Variants in PAM observed in about 807,000 individuals in gnomAD.
The protein encoded by PAM is peptidyl-glycine alpha-amidating monooxygenase.
PAM carries 72 observed loss-of-function variants against 122.1 expected under a neutral mutation model. The ratio of observed to expected loss-of-function variants is 0.59; its 90% CI spans 0.49 to 0.72. The LOEUF is 0.72. Among genes scored for constraint, PAM ranks in the 30% least tolerant of loss-of-function variants. PAM has a pLI of 0.00. For missense variants in PAM, 1,106 were observed against 1,183.7 expected (o/e 0.93, Z 0.96); for synonymous variants, 389 against 404.4 (o/e 0.96, Z 0.46).
chr5:102,771,805 C>T (rs1358121986), intron 1 of PAM, among the ~76,000 whole-genome samples: 1 of 152,142 alleles, frequency 6.6e-6, no homozygotes, highest in Non-Finnish European at 1.5e-5. Context: ...TTTGTCACCC[C>T]AGTGGCTTGG....
At chr5:102,990,205 A>C (rs1359820113) in intron 15 of PAM, 67 bp from the exon 16 acceptor site, 1 of 1,228,074 alleles carries the variant, frequency 8.1e-7, no homozygotes, top group Non-Finnish European at 1.1e-6. Context: ...TCTTGTAACT[A>C]TTATGAATCC....
intron 1 of PAM, among the ~76,000 whole-genome samples, chr5:102,759,572 A>G (rs1176026336): frequency 1.3e-5 from 2 of 152,214 alleles, no homozygotes; most frequent in Non-Finnish European, 2.9e-5. Context: ...TTTTATAAAT[A>G]TGAAATCTCC....
At chr5:103,007,759 A>G in intron 20 of PAM, 102 bp downstream of exon 20, 1 of 707,516 alleles carries the variant, frequency 1.4e-6, no homozygotes, top group Non-Finnish European at 2.4e-6. Flanking sequence ...TCTTTGCTAT[A>G]TATTTCACAT....
At chr5:103,017,566 A>T in intron 22 of PAM, 133 bp downstream of exon 22, 1 of 634,274 alleles carries the variant, frequency 1.6e-6, no homozygotes, top group South Asian at 2.2e-5. Context: ...AGCAGTTGTT[A>T]AAAGACCTAT....
At chr5:103,017,298 C>G (rs1339784876) in intron 21 of PAM, 36 bp from the exon 22 acceptor site, 1 of 1,255,670 alleles carries the variant, frequency 8.0e-7, no homozygotes, top group African/African-American at 1.5e-5. Context: ...CAAGTAAAGG[C>G]TCACCACTCT....
chr5:102,882,421 G>A (rs1485002612), intron 3 of PAM, among the ~76,000 whole-genome samples: 1 of 151,446 alleles, frequency 6.6e-6, no homozygotes, highest in Non-Finnish European at 1.5e-5. Flanking sequence ...GGCCATTCTT[G>A]CAGGAGTAAG....
At chr5:102,929,696 T>A (rs1341320912) in intron 7 of PAM, among the ~76,000 whole-genome samples, 1 of 152,166 alleles carries the variant, frequency 6.6e-6, no homozygotes, top group African/African-American at 2.4e-5. Flanking sequence ...GCAAAACATC[T>A]TCTAAAAGTT....
intron 15 of PAM, among the ~76,000 whole-genome samples, chr5:102,985,222 G>A (rs1771374167): frequency 6.6e-6 from 1 of 151,552 alleles, no homozygotes; most frequent in African/African-American, 2.4e-5. Flanking sequence ...GAAAGAAAAA[G>A]AGCAGAACTA....
intron 8 of PAM, among the ~76,000 whole-genome samples, chr5:102,948,031 G>A (rs1209373839): frequency 6.6e-6 from 1 of 152,038 alleles, no homozygotes; most frequent in Non-Finnish European, 1.5e-5. Flanking sequence ...TGGACTGGAT[G>A]AAGCCCACCC....
chr5:102,985,521 G>A (rs1771515978), intron 15 of PAM, among the ~76,000 whole-genome samples: 1 of 151,854 alleles, frequency 6.6e-6, no homozygotes, highest in South Asian at 2.1e-4. Flanking sequence ...ATTCCTGGAT[G>A]CATATAACCT....
At chr5:102,869,113 CTA>C (rs1786529120) in intron 3 of PAM, among the ~76,000 whole-genome samples, 1 of 152,174 alleles carries the variant, frequency 6.6e-6, no homozygotes, top group South Asian at 2.1e-4. Flanking sequence ...TTCTCTGAGA[CTA>C]TGTGATTCCC....
At chr5:102,838,382 C>T (rs982031986) in intron 1 of PAM, 4 of 152,004 alleles carry the variant, frequency 2.6e-5, no homozygotes, top group Admixed American at 2.0e-4. Flanking sequence ...TTGAAGTCTA[C>T]TTTTATATTG....
chr5:102,916,518 C>T lies in PAM; in HGVS notation c.356+2497C>T, dbSNP rs541050400. ...TTCATCATCTTTTAACCAAGCCCAA[C>T]ACGTTTAAGTCTAACATTTAAAAGT... On this transcript the variant is annotated intron_variant, in intron 5 of 25. Transcript: ENST00000438793. Among the ~76,000 whole-genome samples, 9 of 151,626 alleles carry T rather than the reference C, an allele frequency of 5.9e-5. 1 individual carries two copies. In the South Asian group the frequency reaches 1.7e-3, roughly 28 times the overall value.
intron 1 of PAM, among the ~76,000 whole-genome samples, chr5:102,806,061 C>T (rs249494): frequency 6.6e-6 from 1 of 151,922 alleles, no homozygotes; most frequent in Admixed American, 6.6e-5. Flanking sequence ...TTTAAAAAAA[C>T]ATCTAACAAA....
intron 4 of PAM, among the ~76,000 whole-genome samples, chr5:102,911,987 T>C (rs993439211): frequency 2.0e-5 from 3 of 152,054 alleles, no homozygotes; most frequent in Non-Finnish European, 4.4e-5. Flanking sequence ...TTCCCAAATA[T>C]GTAATTCTCT....
In PAM at chr5:102,865,930, C is replaced by G; in HGVS notation, c.-266C>G. ...TAGCCCCAGCGCCAGGGCACGCGAGCGGCGCTGGAGGGAGGAAAGCTTCCG... is the reference window on the plus strand; with the variant it reads ...TAGCCCCAGCGCCAGGGCACGCGAGGGGCGCTGGAGGGAGGAAAGCTTCCG... On this transcript the variant is annotated 5_prime_UTR_variant, in exon 2 of 26. Coordinates refer to ENST00000438793, the MANE Select transcript of PAM (RefSeq NM_001177306.2). The G allele has an allele frequency of 2.6e-6, 1 of 380,538 alleles. No individual in the cohort carries two copies. 23.6% of individuals were successfully genotyped at this position (380,538 alleles called of 1,614,324 possible). A position where few individuals can be genotyped will look rare whatever the true frequency, so the allele number is the denominator to read the frequency against.
chr5:103,017,661 ACTGT>A (rs2151241520), intron 22 of PAM, among the ~76,000 whole-genome samples: 1 of 152,296 alleles, frequency 6.6e-6, no homozygotes, highest in Admixed American at 6.5e-5. Flanking sequence ...TGCCTGAAGT[ACTGT>A]CTGTTACATT....
At chr5:102,867,482 T>G in intron 3 of PAM, 89 bp downstream of exon 3, 1 of 907,438 alleles carries the variant, frequency 1.1e-6, no homozygotes, top group Non-Finnish European at 1.7e-6. Flanking sequence ...CTGTAGGAAC[T>G]TCTTTAAACG....
intron 1 of PAM, among the ~76,000 whole-genome samples, chr5:102,802,079 G>C (rs1227935147): frequency 6.6e-6 from 1 of 152,016 alleles, no homozygotes; most frequent in Non-Finnish European, 1.5e-5. Context: ...CACCGCGCCC[G>C]GCCGGGAAAA....
Sources: allele counts gnomAD v4.1 joint callset (sites outside exome capture counted in the v4.1 genomes callset), GRCh38; gene constraint gnomAD v4.1.1; transcripts MANE v1.5; gene names NCBI Gene and HGNC (gene_info 2026-07-23, HGNC 2026-07-21).